The following OSTN variants were observed in gnomAD, a reference collection of about 807,000 sequenced individuals.
The protein encoded by OSTN is osteocrin.
OSTN carries 9 observed loss-of-function variants against 12.0 expected under a neutral mutation model. The ratio of observed to expected loss-of-function variants is 0.75; its 90% CI spans 0.45 to 1.30. The LOEUF (loss-of-function observed/expected upper bound fraction) is 1.30, where lower values mean the gene tolerates loss of function less well. Among genes scored for constraint, OSTN ranks in the 50% most tolerant of loss-of-function variants. The probability of loss-of-function intolerance (pLI) is 0.00; values close to 1 mark genes in which losing one functional copy is unlikely to be tolerated. For synonymous variants in OSTN, 59 were observed against 56.9 expected, an observed-to-expected ratio of 1.04 and a Z score of -0.16; for missense variants, 148 against 152.3, an observed-to-expected ratio of 0.97 and a Z score of 0.15.
At chr3:191,231,784 A>G (rs939451755) in intron 3 of OSTN, among the ~76,000 whole-genome samples, 1 of 152,212 alleles carries the variant, frequency 6.6e-6, no homozygotes, top group Non-Finnish European at 1.5e-5. Flanking sequence ...TAAAGATCAC[A>G]TACATCACTT....
At chr3:191,200,708 C>T (rs1461636427) in intron 1 of OSTN, among the ~76,000 whole-genome samples, 1 of 151,994 alleles carries the variant, frequency 6.6e-6, no homozygotes, top group Admixed American at 6.6e-5. Context: ...TGAGGAAGCC[C>T]CCATGTCAGT....
intron 3 of OSTN, among the ~76,000 whole-genome samples, chr3:191,222,595 G>T (rs1714795372): frequency 6.6e-6 from 1 of 152,166 alleles, no homozygotes; most frequent in Non-Finnish European, 1.5e-5. Context: ...TTTGGACTTG[G>T]ACTTTTAGGT....
chr3:191,236,621 A>G (rs942195834), intron 3 of OSTN, among the ~76,000 whole-genome samples: 1 of 151,648 alleles, frequency 6.6e-6, no homozygotes, highest in East Asian at 1.9e-4. Context: ...TAATCTTTGT[A>G]TAACTACTGT....
rs35542147 is a variant in OSTN at position 191,230,562 on chromosome 3, C to CAAA, written c.317+11624_317+11626dup. Among the ~76,000 whole-genome samples the CAAA allele has an allele frequency of 6.8e-3, 248 of 36,270 alleles. 7 individuals are homozygous for CAAA. Among genetic ancestry groups the CAAA allele is most frequent in the African/African-American group, 0.02 (203 of 9,972 alleles). The allele number at this position is 36,270 out of a possible 152,430, so 23.8% of individuals were successfully genotyped here. ...CTGGTGCCAGAGCAAGACTCCGTCT[C>CAAA]AAAAAAAAAAAAAAAAAAAAAAAAA... On this transcript the variant is annotated intron_variant, in intron 3 of 4. Transcript: ENST00000682035.
chr3:191,230,514 A>C (rs1560119116), intron 3 of OSTN, among the ~76,000 whole-genome samples: 1 of 141,206 alleles, frequency 7.1e-6, no homozygotes, highest in Non-Finnish European at 1.5e-5. Flanking sequence ...CAGTGAGCTG[A>C]GATCGGGCCA....
chr3:191,235,708 TG>T (rs936327052), intron 3 of OSTN, among the ~76,000 whole-genome samples: 1 of 152,226 alleles, frequency 6.6e-6, no homozygotes, highest in African/African-American at 2.4e-5. Context: ...CTGATGAGTT[TG>T]CTTCCCCCAT....
intron 1 of OSTN, among the ~76,000 whole-genome samples, chr3:191,210,008 T>C (rs1009656809): frequency 9.2e-5 from 14 of 152,116 alleles, no homozygotes; most frequent in African/African-American, 2.7e-4. Context: ...TGAGAATGGG[T>C]AATTTATAAA....
chr3:191,243,629 C>G (rs1195425536), intron 3 of OSTN, among the ~76,000 whole-genome samples: 3 of 152,014 alleles, frequency 2.0e-5, no homozygotes, highest in Admixed American at 6.5e-5. Context: ...GATATATGTA[C>G]ACATTGTGAA....
chr3:191,256,351 C>A (rs151324166), intron 4 of OSTN, among the ~76,000 whole-genome samples: 7 of 152,066 alleles, frequency 4.6e-5, no homozygotes, highest in Non-Finnish European at 7.4e-5. Flanking sequence ...TGGACTTCCA[C>A]GGGCTGTAAT....
At chr3:191,257,092 G>A (rs1715689075) in intron 4 of OSTN, among the ~76,000 whole-genome samples, 2 of 148,460 alleles carry the variant, frequency 1.3e-5, no homozygotes, top group Non-Finnish European at 3.0e-5. Flanking sequence ...AGGCTGAGTT[G>A]GAAGGATCAC....
chr3:191,212,765 C>A, intron 2 of OSTN, 131 bp downstream of exon 2: 1 of 147,372 alleles, frequency 6.8e-6, no homozygotes, highest in Non-Finnish European at 1.2e-5. Context: ...ATTTATATAT[C>A]ATATCATATA....
chr3:191,262,178 C>A (rs996964098), intron 4 of OSTN, among the ~76,000 whole-genome samples: 2 of 152,062 alleles, frequency 1.3e-5, no homozygotes, highest in African/African-American at 4.8e-5. Context: ...AGGTCGCGCA[C>A]CATTGCACTC....
chr3:191,261,259 A>C (rs1715803549), intron 4 of OSTN, among the ~76,000 whole-genome samples: 1 of 152,158 alleles, frequency 6.6e-6, no homozygotes, highest in South Asian at 2.1e-4. Context: ...GAGGATACAA[A>C]TTTATTTAAT....
chr3:191,252,691 C>T (rs1310978133), intron 4 of OSTN, among the ~76,000 whole-genome samples: 1 of 152,208 alleles, frequency 6.6e-6, no homozygotes, highest in African/African-American at 2.4e-5. Context: ...AGATTTCTCT[C>T]AGACATTTGT....
intron 3 of OSTN, among the ~76,000 whole-genome samples, chr3:191,240,352 C>T (rs889836507): frequency 6.6e-6 from 1 of 152,112 alleles, no homozygotes; most frequent in Non-Finnish European, 1.5e-5. Context: ...TTTTAAATTG[C>T]AGTAACCAAG....
intron 1 of OSTN, among the ~76,000 whole-genome samples, chr3:191,206,763 C>A (rs577124115): frequency 5.9e-5 from 9 of 152,310 alleles, no homozygotes; most frequent in African/African-American, 1.2e-4. Flanking sequence ...TGCATCAGGT[C>A]TTTTTTCCAT....
chr3:191,254,108 G>A (rs1715619371), intron 4 of OSTN, among the ~76,000 whole-genome samples: 1 of 152,202 alleles, frequency 6.6e-6, no homozygotes, highest in South Asian at 2.1e-4. Flanking sequence ...TTAAATAGCT[G>A]TGTCCCATTC....
intron 3 of OSTN, among the ~76,000 whole-genome samples, chr3:191,222,159 A>G (rs1714781737): frequency 6.6e-6 from 1 of 152,342 alleles, no homozygotes; most frequent in South Asian, 2.1e-4. Flanking sequence ...CTCATGAAGA[A>G]CCACTACTAG....
chr3:191,253,784 C>T (rs1177911167), intron 4 of OSTN, among the ~76,000 whole-genome samples: 1 of 152,198 alleles, frequency 6.6e-6, no homozygotes, highest in African/African-American at 2.4e-5. Context: ...AATGCAAATT[C>T]TCTACAGATC....
Sources: gnomAD v4.1 joint callset for allele counts (sites outside exome capture counted in the v4.1 genomes callset) on GRCh38, gnomAD v4.1.1 for gene constraint, MANE v1.5 for transcripts, NCBI Gene and HGNC (gene_info 2026-07-23, HGNC 2026-07-21) for gene names.